RNF220: variants seen among roughly 807,000 people sequenced by gnomAD.
The protein encoded by RNF220 is E3 ubiquitin-protein ligase RNF220.
RNF220 carries 7 observed loss-of-function variants against 67.1 expected under a neutral mutation model. The ratio of observed to expected loss-of-function variants is 0.10; its 90% CI spans 0.06 to 0.20. The LOEUF (loss-of-function observed/expected upper bound fraction) is 0.20. RNF220 is among the 10% of genes least tolerant of loss of function. The pLI is 1.00. For missense variants in RNF220, 565 were observed against 740.3 expected (o/e 0.76, Z 2.75); for synonymous variants, 270 against 283.2 (o/e 0.95, Z 0.47).
intron 12 of RNF220, chr1:44,648,405 T>C (rs993428183): frequency 6.6e-6 from 1 of 152,208 alleles, no homozygotes; most frequent in African/African-American, 2.4e-5. Context: ...TGTATTATCA[T>C]TATTATTCCC....
rs144978950 is a variant in RNF220, at chr1:44,547,598, G to A, written c.626-66567G>A. ...GTTCTACCTTTGACCCTCTTCTCTC[G>A]GTGCACACTTTAATCTGATGAGCTC... On this transcript the variant is annotated intron_variant, in intron 2 of 14. Coordinates refer to ENST00000361799, the MANE Select transcript of RNF220 (RefSeq NM_018150.4). Among the ~76,000 whole-genome samples, 163 of 151,794 alleles carry A rather than the reference G, an allele frequency of 1.1e-3. 3 individuals are homozygous for A. The East Asian group carries it at 0.027, about 25-fold the overall frequency.
At chr1:44,464,857 T>A (rs1463911762) in intron 2 of RNF220, among the ~76,000 whole-genome samples, 1 of 152,222 alleles carries the variant, frequency 6.6e-6, no homozygotes, top group East Asian at 1.9e-4. Flanking sequence ...TCTCATCCTT[T>A]CCTGATTCAT....
chr1:44,644,888 C>G, intron 9 of RNF220, 94 bp downstream of exon 9: 4 of 1,522,410 alleles, frequency 2.6e-6, no homozygotes, highest in Non-Finnish European at 3.6e-6. Context: ...TGCACCACCC[C>G]CCGGGCCAGA....
chr1:44,541,675 C>CCATGT (rs1661686740), intron 2 of RNF220, among the ~76,000 whole-genome samples: 2 of 152,188 alleles, frequency 1.3e-5, no homozygotes, highest in Non-Finnish European at 2.9e-5. Flanking sequence ...ACGGTCATCA[C>CCATGT]CATGTTCCTG....
chr1:44,620,661 C>G (rs935725523), intron 3 of RNF220, among the ~76,000 whole-genome samples: 4 of 152,186 alleles, frequency 2.6e-5, no homozygotes, highest in East Asian at 1.9e-4. Context: ...TGTGATGCCC[C>G]CACTGTGTGA....
At chr1:44,461,572 C>T (rs992722856) in intron 2 of RNF220, among the ~76,000 whole-genome samples, 2 of 152,020 alleles carry the variant, frequency 1.3e-5, no homozygotes, top group African/African-American at 2.4e-5. Flanking sequence ...ATGTGGTTTG[C>T]GGTCTCTTCT....
At chr1:44,407,677 G>T (rs1339677049) in intron 1 of RNF220, among the ~76,000 whole-genome samples, 1 of 152,024 alleles carries the variant, frequency 6.6e-6, no homozygotes, top group Non-Finnish European at 1.5e-5. Context: ...CCGGACGGCC[G>T]CGGTGCGGGC....
intron 2 of RNF220, among the ~76,000 whole-genome samples, chr1:44,515,417 G>C (rs1234875343): frequency 2.6e-5 from 4 of 152,214 alleles, no homozygotes; most frequent in Non-Finnish European, 4.4e-5. Flanking sequence ...AGCAGATAAA[G>C]TTGTAAATGA....
intron 2 of RNF220, among the ~76,000 whole-genome samples, chr1:44,435,347 G>C (rs1333646218): frequency 6.6e-6 from 1 of 152,192 alleles, no homozygotes; most frequent in Non-Finnish European, 1.5e-5. Context: ...GGAATAAGAT[G>C]ACTCACTGTT....
rs114779227 is a variant in RNF220, at chr1:44,469,584, A to C, written c.625+56862A>C. Among the ~76,000 whole-genome samples the C allele has an allele frequency of 2.8e-5, 4 of 144,832 alleles. No homozygotes were observed. The South Asian group carries it at 9.0e-4, about 32-fold the overall frequency. On this transcript the variant is annotated intron_variant, in intron 2 of 14. Transcript: ENST00000361799. ...TTATTCATTCATTCATTCATTCACT[A>C]AATATTTACTGAGTTCCTTCTATGT...
At chr1:44,646,279 G>A (rs1347354296) in intron 12 of RNF220, among the ~76,000 whole-genome samples, 1 of 152,278 alleles carries the variant, frequency 6.6e-6, no homozygotes, top group Non-Finnish European at 1.5e-5. Context: ...GCAGGGCCGG[G>A]TCGGTGGCCC....
chr1:44,529,314 A>T (rs1026302225), intron 2 of RNF220, among the ~76,000 whole-genome samples: 1 of 152,074 alleles, frequency 6.6e-6, no homozygotes, highest in African/African-American at 2.4e-5. Context: ...AAATAATGTT[A>T]AGTAAAACTA....
chr1:44,613,593 A>G (rs997749156), intron 2 of RNF220, among the ~76,000 whole-genome samples: 1 of 152,230 alleles, frequency 6.6e-6, no homozygotes, highest in Admixed American at 6.5e-5. Flanking sequence ...CTCTATAAAA[A>G]AAATAAATAA....
chr1:44,472,501 G>A (rs1324854961), intron 2 of RNF220, among the ~76,000 whole-genome samples: 1 of 152,166 alleles, frequency 6.6e-6, no homozygotes, highest in African/African-American at 2.4e-5. Context: ...ATGATACTGA[G>A]CATCTTTTCA....
chr1:44,531,836 T>G (rs1660857532), intron 2 of RNF220, among the ~76,000 whole-genome samples: 2 of 152,300 alleles, frequency 1.3e-5, no homozygotes, highest in South Asian at 4.1e-4. Context: ...AGTACTCTGA[T>G]TGTTAGAAAA....
intron 2 of RNF220, among the ~76,000 whole-genome samples, chr1:44,592,487 G>A (rs1666187595): frequency 6.6e-6 from 1 of 152,176 alleles, no homozygotes; most frequent in African/African-American, 2.4e-5. Context: ...TGTGCCTGGG[G>A]AAGGGCCAGG....
At chr1:44,554,829 C>A (rs1662942587) in intron 2 of RNF220, among the ~76,000 whole-genome samples, 1 of 152,110 alleles carries the variant, frequency 6.6e-6, no homozygotes, top group South Asian at 2.1e-4. Flanking sequence ...TGGTCTCTTC[C>A]TTTTTATCTC....
chr1:44,511,522 T>C (rs1447315791), intron 2 of RNF220, among the ~76,000 whole-genome samples: 1 of 151,934 alleles, frequency 6.6e-6, no homozygotes, highest in African/African-American at 2.4e-5. Context: ...AGAAGAAAAA[T>C]GACAAAAAGG....
intron 5 of RNF220, among the ~76,000 whole-genome samples, chr1:44,628,584 C>G (rs896961897): frequency 6.6e-6 from 1 of 152,196 alleles, no homozygotes; most frequent in Non-Finnish European, 1.5e-5. Context: ...AAAGCTGAAG[C>G]TCCTTATCAT....
Sources: gnomAD v4.1 joint callset for allele counts (sites outside exome capture counted in the v4.1 genomes callset) on GRCh38, gnomAD v4.1.1 for gene constraint, MANE v1.5 for transcripts, NCBI Gene and HGNC (gene_info 2026-07-23, HGNC 2026-07-21) for gene names.